The following EYS variants were observed in gnomAD, a reference collection of about 807,000 sequenced individuals.
EYS encodes protein eyes shut homolog.
In EYS, 250 loss-of-function variants were observed where a neutral mutation model predicts 282.1. The observed-to-expected ratio is 0.89, with a 90% CI of 0.80 to 0.98. The LOEUF is 0.98. Among genes scored for constraint, EYS ranks in the 50% least tolerant of loss-of-function variants. The pLI, the probability that EYS is intolerant of heterozygous loss-of-function variation, is 0.00. For synonymous variants in EYS, 1,355 were observed against 1,282.9 expected, an observed-to-expected ratio of 1.06 and a Z score of -1.20; for missense variants, 4,016 against 3,709.0, an observed-to-expected ratio of 1.08 and a Z score of -2.15.
chr6:63,720,430 G>A lies in EYS; in HGVS notation c.*166C>T. On this transcript the variant is annotated 3_prime_UTR_variant, in exon 43 of 43. Coordinates refer to ENST00000503581, the MANE Select transcript of EYS (RefSeq NM_001142800.2). ...AAATTAGATGTAGGAAAAACAATCA[G>A]AACCTTCAGTGACATTTTACAATCT... 1 of 556,190 alleles carries A rather than the reference G, an allele frequency of 1.8e-6. No homozygotes were observed. Among genetic ancestry groups the A allele is most frequent in the Non-Finnish European group, 3.0e-6 (1 of 330,548 alleles). The allele number at this position is 556,190 out of a possible 1,614,324, so 34.5% of individuals were successfully genotyped here.
intron 36 of EYS, among the ~76,000 whole-genome samples, chr6:63,833,422 A>T (rs1450000063): frequency 1.3e-5 from 2 of 151,978 alleles, no homozygotes; most frequent in African/African-American, 2.4e-5. Context: ...ATACACCAAT[A>T]AGAAACAGCC....
chr6:65,259,496 GAT>G (rs1767561171), intron 12 of EYS, among the ~76,000 whole-genome samples: 1 of 151,992 alleles, frequency 6.6e-6, no homozygotes, highest in African/African-American at 2.4e-5. Flanking sequence ...AAAAATGGTT[GAT>G]GTGTTTTTAT....
At chr6:64,323,884 G>T (rs1770309058) in intron 29 of EYS, among the ~76,000 whole-genome samples, 1 of 152,054 alleles carries the variant, frequency 6.6e-6, no homozygotes, top group Non-Finnish European at 1.5e-5. Flanking sequence ...TTCACTATTG[G>T]AAGTGATGCT....
rs550282934 is a variant in EYS at position 65,408,987 on chromosome 6, TATA to T, written c.863-3623_863-3621del. Among the ~76,000 whole-genome samples, 508 of 152,330 alleles carry T rather than the reference TATA, an allele frequency of 3.3e-3. 4 individuals are homozygous for T. Among genetic ancestry groups the T allele is most frequent in the African/African-American group, 0.011 (458 of 41,588 alleles). ...CAGGTTATTTCAGAAATATGTTGTT[TATA>T]ATAATTTCCAGATATGTGAAGATTT... is the stretch of plus-strand genomic sequence containing the variant. On this transcript the variant is annotated intron_variant, in intron 5 of 42. Coordinates refer to ENST00000503581, the MANE Select transcript of EYS (RefSeq NM_001142800.2).
At chr6:64,713,103 C>T (rs1039081822) in intron 22 of EYS, among the ~76,000 whole-genome samples, 4 of 152,140 alleles carry the variant, frequency 2.6e-5, no homozygotes, top group Non-Finnish European at 5.9e-5. Flanking sequence ...ATAAGTGCAC[C>T]TAATATGACT....
chr6:65,439,106 T>C (rs1582292423), intron 5 of EYS, among the ~76,000 whole-genome samples: 1 of 152,190 alleles, frequency 6.6e-6, no homozygotes, highest in Non-Finnish European at 1.5e-5. Context: ...ATTTATTAAA[T>C]AGGGAATCAT....
At chr6:64,486,345 C>A (rs915971506) in intron 26 of EYS, among the ~76,000 whole-genome samples, 2 of 151,378 alleles carry the variant, frequency 1.3e-5, no homozygotes, top group Non-Finnish European at 3.0e-5. Flanking sequence ...TTACAACTCG[C>A]TCCAGAGTAT....
chr6:63,950,960 G>A (rs1387123857), intron 35 of EYS, among the ~76,000 whole-genome samples: 1 of 152,042 alleles, frequency 6.6e-6, no homozygotes, highest in African/African-American at 2.4e-5. Context: ...AATCACTGCG[G>A]GGATGCCTGC....
chr6:64,205,520 C>T (rs962155346), intron 31 of EYS, among the ~76,000 whole-genome samples: 1 of 152,068 alleles, frequency 6.6e-6, no homozygotes, highest in African/African-American at 2.4e-5. Flanking sequence ...AAGTTTTATG[C>T]TTTAAAATTT....
chr6:64,845,060 G>A (rs9363269), intron 19 of EYS, among the ~76,000 whole-genome samples: 23,168 of 151,980 alleles, frequency 0.15, 1,998 homozygotes, highest in East Asian at 0.43. Flanking sequence ...AGGCAGAGGC[G>A]GGAGGATTGC....
At chr6:65,580,392 T>C (rs895494594) in intron 2 of EYS, among the ~76,000 whole-genome samples, 29 of 152,194 alleles carry the variant, frequency 1.9e-4, no homozygotes, top group African/African-American at 7.0e-4. Flanking sequence ...ACAGAACTCA[T>C]TGGGTCTAGT....
intron 29 of EYS, among the ~76,000 whole-genome samples, chr6:64,307,388 C>T (rs1043843419): frequency 2.0e-5 from 3 of 151,978 alleles, no homozygotes; most frequent in South Asian, 2.1e-4. Flanking sequence ...GAAATCCTGC[C>T]ATTTGTTACA....
chr6:64,735,257 G>A (rs955600616), intron 22 of EYS, among the ~76,000 whole-genome samples: 3 of 152,058 alleles, frequency 2.0e-5, no homozygotes, highest in Admixed American at 6.6e-5. Context: ...CTAGTTTTTC[G>A]TATTTTTAGT....
chr6:63,830,179 C>G (rs1381991609), intron 36 of EYS, among the ~76,000 whole-genome samples: 1 of 152,212 alleles, frequency 6.6e-6, no homozygotes, highest in African/African-American at 2.4e-5. Flanking sequence ...AGGAAAACAG[C>G]TCTTCACCAG....
At chr6:64,577,383 A>G (rs1235567297) in intron 26 of EYS, among the ~76,000 whole-genome samples, 3 of 151,938 alleles carry the variant, frequency 2.0e-5, no homozygotes, top group Admixed American at 6.6e-5. Flanking sequence ...TTTATTTTAT[A>G]GTTCTGTATT....
intron 30 of EYS, among the ~76,000 whole-genome samples, chr6:64,284,640 G>A (rs912900384): frequency 1.3e-5 from 2 of 152,150 alleles, no homozygotes; most frequent in Non-Finnish European, 2.9e-5. Flanking sequence ...CTCGATGAGA[G>A]CCCCACCTCT....
intron 13 of EYS, among the ~76,000 whole-genome samples, chr6:65,042,320 C>T (rs934796659): frequency 1.2e-4 from 18 of 151,192 alleles, no homozygotes; most frequent in Non-Finnish European, 2.5e-4. Context: ...TAATCTATAC[C>T]TCGGTTGGAT....
intron 31 of EYS, among the ~76,000 whole-genome samples, chr6:64,090,366 T>C (rs1225741272): frequency 6.6e-6 from 1 of 152,178 alleles, no homozygotes; most frequent in Non-Finnish European, 1.5e-5. Flanking sequence ...ACAGATTCAC[T>C]TGGAAAAATA....
intron 22 of EYS, among the ~76,000 whole-genome samples, chr6:64,776,795 A>G (rs1305093241): frequency 1.3e-5 from 2 of 152,122 alleles, no homozygotes; most frequent in South Asian, 2.1e-4. Flanking sequence ...CACTTGCTGA[A>G]AATTTTTCCT....
Sources: allele counts gnomAD v4.1 joint callset (sites outside exome capture counted in the v4.1 genomes callset), GRCh38; gene constraint gnomAD v4.1.1; transcripts MANE v1.5; gene names NCBI Gene and HGNC (gene_info 2026-07-23, HGNC 2026-07-21).